CCDC63: variants seen among roughly 807,000 people sequenced by gnomAD.
CCDC63 encodes coiled-coil domain-containing protein 63.
A neutral mutation model predicts 63.6 loss-of-function variants in CCDC63; 54 were observed. That is an observed-to-expected ratio of 0.85 (90% CI 0.68 to 1.07). CCDC63 has a LOEUF of 1.07. Among genes scored for constraint, CCDC63 ranks in the 50% least tolerant of loss-of-function variants. The pLI, the probability that CCDC63 is intolerant of heterozygous loss-of-function variation, is 0.00. For missense variants in CCDC63, 637 were observed against 689.6 expected (o/e 0.92, Z 0.86); for synonymous variants, 253 against 266.1 (o/e 0.95, Z 0.48).
At chr12:110,869,231 ACTT>A (rs927214894) in intron 4 of CCDC63, among the ~76,000 whole-genome samples, 2 of 152,192 alleles carry the variant, frequency 1.3e-5, no homozygotes, top group African/African-American at 4.8e-5. Context: ...CTCATCTAGA[ACTT>A]CTCAATTCCA....
chr12:110,856,241 A>G (rs2070768744), intron 3 of CCDC63, among the ~76,000 whole-genome samples: 2 of 151,734 alleles, frequency 1.3e-5, no homozygotes, highest in African/African-American at 2.4e-5. Context: ...GCCCACCACC[A>G]TGCCTGGCTA....
intron 7 of CCDC63, among the ~76,000 whole-genome samples, chr12:110,882,340 C>T (rs1324966742): frequency 6.6e-6 from 1 of 151,948 alleles, no homozygotes; most frequent in Non-Finnish European, 1.5e-5. Flanking sequence ...AGCAAGACCC[C>T]ATCTCTACAA....
At position 110,892,943 on chromosome 12, in the gene CCDC63, G is replaced by A. The variant is rs539318401; in HGVS notation, c.1075-133G>A. ...TAATAACCCCACGGGCCTAAGAGGG[G>A]CCCAGGTGTTTGGGGCTCTTTGAAA... On this transcript the variant is annotated intron_variant, in intron 8 of 11. Transcript: ENST00000308208. 204 of 676,786 alleles carry A rather than the reference G, an allele frequency of 3.0e-4. 1 individual carries two copies. In the African/African-American group the frequency reaches 3.3e-3, roughly 11 times the overall value. The allele number at this position is 676,786 out of a possible 1,614,324, so 41.9% of individuals were successfully genotyped here.
At chr12:110,867,703 C>T (rs1380150910) in intron 4 of CCDC63, among the ~76,000 whole-genome samples, 2 of 117,178 alleles carry the variant, frequency 1.7e-5, no homozygotes, top group South Asian at 2.6e-4. Flanking sequence ...GGGCGGAGGG[C>T]TGACCCCCCC....
At chr12:110,875,465 C>T (rs541799460) in intron 5 of CCDC63, among the ~76,000 whole-genome samples, 30 of 150,416 alleles carry the variant, frequency 2.0e-4, no homozygotes, top group South Asian at 6.3e-4. Flanking sequence ...TTTTTTGAGA[C>T]GGAGTCTCAC....
upstream of CCDC63, chr12:110,846,926 T>C (rs948788631): frequency 3.3e-5 from 5 of 152,252 alleles, no homozygotes; most frequent in Non-Finnish European, 7.3e-5. Flanking sequence ...TCCATGTTTG[T>C]GCGAGTCACA....
chr12:110,904,840 C>T, intron 11 of CCDC63, 49 bp downstream of exon 11: 1 of 1,468,970 alleles, frequency 6.8e-7, no homozygotes, highest in Non-Finnish European at 9.3e-7. Flanking sequence ...GAACCTGTGC[C>T]TTCAGGTCTG....
chr12:110,884,038 G>T lies in CCDC63; in HGVS notation c.862G>T (p.Ala288Ser). ...EQAKREEALK[A>S]KKHVKKNRGE... ...GATTTTTCCTTTCCTAGCTCTCAAG[G>T]CAAAGAAGCATGTCAAGAAGAACAG... Residue 288 changes from alanine to serine, a missense_variant, in exon 8 of 12, where the codon GCA (alanine) becomes TCA (serine). Ala to Ser is a moderately conservative substitution (Grantham distance 99, BLOSUM62 1). Coordinates refer to ENST00000308208, the MANE Select transcript of CCDC63 (RefSeq NM_152591.3). 6.2e-7 allele frequency: 1 copy of T among 1,613,692 alleles called. No homozygotes were observed. The highest frequency in any genetic ancestry group is 8.5e-7 in the Non-Finnish European group (1 of 1,179,702).
At chr12:110,878,370 A>G (rs113505886) in intron 5 of CCDC63, among the ~76,000 whole-genome samples, 31,626 of 152,076 alleles carry the variant, frequency 0.21, 3,484 homozygotes, top group African/African-American at 0.25. Flanking sequence ...GCTGGAGTGC[A>G]GTGGCGTGAT....
intron 9 of CCDC63, 63 bp from the exon 10 acceptor site, chr12:110,898,870 G>T: frequency 7.2e-7 from 1 of 1,384,230 alleles, no homozygotes; most frequent in East Asian, 2.5e-5. Context: ...ACCCCAGAGG[G>T]TCCCAAACAC....
chr12:110,881,112 C>T lies in CCDC63; in HGVS notation c.672-3C>T, dbSNP rs1184318529. On this transcript the variant is annotated splice_region_variant and splice_polypyrimidine_tract_variant and intron_variant, in intron 6 of 11. Transcript: ENST00000308208. ...GCTCAGGCTCTGTACTCCCTTTGCC[C>T]AGGGTGGAGGCCATGGCTCGAATGG... is the stretch of plus-strand genomic sequence containing the variant. 1 of 1,607,602 alleles carries T rather than the reference C, an allele frequency of 6.2e-7. No homozygotes were observed. Among genetic ancestry groups the T allele is most frequent in the East Asian group, 2.2e-5 (1 of 44,670 alleles).
chr12:110,890,876 A>G (rs139202064), intron 8 of CCDC63, among the ~76,000 whole-genome samples: 31,782 of 147,850 alleles, frequency 0.21, 3,672 homozygotes, highest in Admixed American at 0.29. Flanking sequence ...TCCTGGGCTC[A>G]AGGGATTCTC....
intron 9 of CCDC63, among the ~76,000 whole-genome samples, chr12:110,898,235 T>C (rs754033611): frequency 2.0e-5 from 3 of 151,682 alleles, no homozygotes; most frequent in Admixed American, 1.3e-4. Flanking sequence ...TGAGCCGAGA[T>C]TGGGCCACTG....
Position 110,853,315 on chromosome 12 carries a change from C to T in CCDC63, c.10-90C>T, listed in dbSNP as rs557295526. 9 of 1,309,764 alleles carry T rather than the reference C, an allele frequency of 6.9e-6. No homozygotes were observed. In the South Asian group the frequency reaches 1.2e-4, roughly 17 times the overall value. 81.1% of individuals were successfully genotyped at this position (1,309,764 alleles called of 1,614,324 possible). A position where few individuals can be genotyped will look rare whatever the true frequency, so the allele number is the denominator to read the frequency against. ...TCCACTTCTAGCCATGGCCCAGCCA[C>T]CCCCACTGCCCTTCACTCTTAAGCC... On this transcript the variant is annotated intron_variant, in intron 2 of 11. Coordinates refer to ENST00000308208, the MANE Select transcript of CCDC63 (RefSeq NM_152591.3).
In CCDC63 at chr12:110,856,475, A is replaced by G. The variant is rs560944460; in HGVS notation, c.180-2111A>G. On this transcript the variant is annotated intron_variant, in intron 3 of 11. Transcript: ENST00000308208. ...CAGCTTCCCCCGCCCGCCTCCTTCCAGGAGGGGCTTAAGCAGGGCAGAAGA... is the reference window on the plus strand; with the variant it reads ...CAGCTTCCCCCGCCCGCCTCCTTCCGGGAGGGGCTTAAGCAGGGCAGAAGA... Among the ~76,000 whole-genome samples, 7 of 152,266 alleles carry G rather than the reference A, an allele frequency of 4.6e-5. No homozygotes were observed. In the South Asian group the frequency reaches 6.2e-4, roughly 14 times the overall value.
Position 110,899,014 on chromosome 12 carries a change from A to G in CCDC63, c.1231A>G (p.Lys411Glu). 1 of 1,613,888 alleles carries G rather than the reference A, an allele frequency of 6.2e-7. No individual in the cohort carries two copies. The highest frequency in any genetic ancestry group is 8.5e-7 in the Non-Finnish European group (1 of 1,179,904). ...GEVSKTLDLLKNSVEKLFKKI... is the reference protein window; with the variant it reads ...GEVSKTLDLLENSVEKLFKKI... Reference sequence around the variant, plus strand: ...GGTCAGCAAGACCTTGGATCTATTGAAGAACTCAGTGGAGAAACTGTTCAA... The same window carrying G: ...GGTCAGCAAGACCTTGGATCTATTGGAGAACTCAGTGGAGAAACTGTTCAA... The change falls in exon 10 of 12, where the codon AAG becomes GAG. Residue 411 changes from lysine to glutamate, a missense_variant. Transcript: ENST00000308208.
At chr12:110,852,046 C>T (rs1411469969) in intron 1 of CCDC63, among the ~76,000 whole-genome samples, 2 of 152,170 alleles carry the variant, frequency 1.3e-5, no homozygotes, top group Non-Finnish European at 2.9e-5. Flanking sequence ...CTGGAATTGG[C>T]TGTGCAGTGG....
intron 11 of CCDC63, among the ~76,000 whole-genome samples, chr12:110,906,318 A>AGAG (rs141428157): frequency 0.19 from 25,418 of 131,686 alleles, 2,825 homozygotes; most frequent in Admixed American, 0.25. Context: ...AGAGGCAGGA[A>AGAG]GAGGAGGAGG....
At chr12:110,872,898 C>G (rs1475925022) in intron 4 of CCDC63, among the ~76,000 whole-genome samples, 2 of 152,128 alleles carry the variant, frequency 1.3e-5, no homozygotes, top group Non-Finnish European at 2.9e-5. Context: ...AAATGCTGGC[C>G]AAATTTTCTG....
Sources: allele counts gnomAD v4.1 joint callset (sites outside exome capture counted in the v4.1 genomes callset), GRCh38; gene constraint gnomAD v4.1.1; transcripts MANE v1.5; gene names NCBI Gene and HGNC (gene_info 2026-07-23, HGNC 2026-07-21).